The following TTC28 variants were observed in gnomAD, a reference collection of about 807,000 sequenced individuals.
The protein encoded by TTC28 is tetratricopeptide repeat domain 28, also known as tetratricopeptide repeat protein 28.
TTC28 carries 61 observed loss-of-function variants against 198.0 expected under a neutral mutation model. The observed-to-expected ratio is 0.31, with a 90% CI of 0.25 to 0.38. The LOEUF is 0.38. Ranked by LOEUF, TTC28 falls within the 10% of genes least tolerant of loss-of-function variation. The probability of loss-of-function intolerance (pLI) is 1.00; values close to 1 mark genes in which losing one functional copy is unlikely to be tolerated. For synonymous variants in TTC28, 1,171 were observed against 1,297.8 expected (o/e 0.90, Z 2.10); for missense variants, 2,678 against 3,164.0 (o/e 0.85, Z 3.69).
chr22:27,981,405 A>C lies in TTC28; in HGVS notation c.*816T>G, dbSNP rs1166500402. Reference sequence around the variant, plus strand: ...TAGCTATAAATGCAAAGTACTATTGATAATAAAACCAAGTTGTTTATCCAT... The same window carrying C: ...TAGCTATAAATGCAAAGTACTATTGCTAATAAAACCAAGTTGTTTATCCAT... On this transcript the variant is annotated 3_prime_UTR_variant, in exon 23 of 23. Coordinates refer to ENST00000397906, the MANE Select transcript of TTC28 (RefSeq NM_001145418.2). The C allele has an allele frequency of 6.6e-6, 1 of 151,072 alleles. No homozygotes were observed. The highest frequency in any genetic ancestry group is 2.0e-4 in the East Asian group (1 of 5,050). 9.4% of individuals were successfully genotyped at this position (151,072 alleles called of 1,614,324 possible). A position where few individuals can be genotyped will look rare whatever the true frequency, so the allele number is the denominator to read the frequency against.
rs539985150 is a variant in TTC28 at position 28,518,424 on chromosome 22, T to C, written c.381+111128A>G. On this transcript the variant is annotated intron_variant, in intron 2 of 22. Transcript: ENST00000397906. Reference sequence around the variant, plus strand: ...TGAGGACAGAAGTTCAAGAACAGCCTGGGCAACATGGCAGGGCCTCATCTC... The same window carrying C: ...TGAGGACAGAAGTTCAAGAACAGCCCGGGCAACATGGCAGGGCCTCATCTC... Among the ~76,000 whole-genome samples the C allele has an allele frequency of 1.6e-4, 25 of 152,248 alleles. No homozygotes were observed. The South Asian group carries it at 4.8e-3, about 29-fold the overall frequency.
chr22:28,217,239 T>A (rs1317241975), intron 5 of TTC28, among the ~76,000 whole-genome samples: 2 of 152,078 alleles, frequency 1.3e-5, no homozygotes, highest in African/African-American at 4.8e-5. Context: ...TCATGTACCC[T>A]ATCAATATAT....
In TTC28 at chr22:28,358,939, T is replaced by C. The variant is rs1031514106; in HGVS notation, c.382-52296A>G. On this transcript the variant is annotated intron_variant, in intron 2 of 22. Transcript: ENST00000397906. ...CTATATAACCTTCACATCGCCTGTC[T>C]TCAGCTAAGTAATATGGGGATGGGT... is the stretch of plus-strand genomic sequence containing the variant. Among the ~76,000 whole-genome samples, 3 of 152,174 alleles carry C rather than the reference T, an allele frequency of 2.0e-5. No homozygotes were observed. The South Asian group carries it at 6.2e-4, about 31-fold the overall frequency.
At chr22:27,999,342 C>T (rs562729192) in intron 15 of TTC28, 82 bp from the exon 16 acceptor site, 141 of 1,463,058 alleles carry the variant, frequency 9.6e-5, no homozygotes, top group Admixed American at 3.0e-4. Flanking sequence ...AGCACAGGGA[C>T]GGCCAGCTCT....
rs372330158 is a variant in TTC28, at chr22:28,268,303, G to A, written c.933+27895C>T. ...GCAGAGAAATGTGATCCAAAGTACCGCCTGCAGTGGGCACAGGAAAGGAGT... is the reference window on the plus strand; with the variant it reads ...GCAGAGAAATGTGATCCAAAGTACCACCTGCAGTGGGCACAGGAAAGGAGT... On this transcript the variant is annotated intron_variant, in intron 5 of 22. Transcript: ENST00000397906. Among the ~76,000 whole-genome samples the A allele has an allele frequency of 1.1e-4, 16 of 152,282 alleles. No individual in the cohort carries two copies. In the East Asian group the frequency reaches 2.7e-3, roughly 26 times the overall value.
intron 13 of TTC28, among the ~76,000 whole-genome samples, chr22:28,024,366 G>A (rs1938735573): frequency 6.6e-6 from 1 of 152,226 alleles, no homozygotes; most frequent in Non-Finnish European, 1.5e-5. Flanking sequence ...ACCCTGAGAT[G>A]TGAATGGGCA....
intron 2 of TTC28, among the ~76,000 whole-genome samples, chr22:28,474,718 A>G (rs2048138874): frequency 6.6e-6 from 1 of 152,226 alleles, no homozygotes; most frequent in African/African-American, 2.4e-5. Flanking sequence ...TAGCGCAGCC[A>G]GATCACCATG....
intron 3 of TTC28, among the ~76,000 whole-genome samples, chr22:28,300,545 G>T (rs780611295): frequency 6.6e-6 from 1 of 152,126 alleles, no homozygotes; most frequent in South Asian, 2.1e-4. Context: ...TCCCTTCTCG[G>T]TATATAGGAA....
chr22:28,663,446 T>G (rs1390887328), intron 1 of TTC28, among the ~76,000 whole-genome samples: 1 of 144,110 alleles, frequency 6.9e-6, no homozygotes, highest in Non-Finnish European at 1.5e-5. Context: ...GTGCGCACCG[T>G]GCGCGAGCCG....
chr22:28,407,194 C>G (rs2047009897), intron 2 of TTC28, among the ~76,000 whole-genome samples: 1 of 152,188 alleles, frequency 6.6e-6, no homozygotes, highest in African/African-American at 2.4e-5. Context: ...TTATTTTAAC[C>G]TAATTAGGGA....
intron 2 of TTC28, among the ~76,000 whole-genome samples, chr22:28,405,272 T>A (rs936508324): frequency 1.3e-5 from 2 of 152,204 alleles, no homozygotes; most frequent in African/African-American, 4.8e-5. Context: ...ATGATTATGA[T>A]TGCATTAAAA....
At chr22:28,338,839 C>T (rs1022061140) in intron 2 of TTC28, among the ~76,000 whole-genome samples, 1 of 152,156 alleles carries the variant, frequency 6.6e-6, no homozygotes, top group Non-Finnish European at 1.5e-5. Flanking sequence ...TCTCTCAACT[C>T]GTCATTGATC....
At chr22:28,550,685 A>G (rs1380054087) in intron 2 of TTC28, among the ~76,000 whole-genome samples, 2 of 152,182 alleles carry the variant, frequency 1.3e-5, no homozygotes, top group Admixed American at 1.3e-4. Flanking sequence ...GTATAATGAC[A>G]TAAATGCGAA....
intron 5 of TTC28, among the ~76,000 whole-genome samples, chr22:28,293,513 T>C (rs1207918602): frequency 6.6e-6 from 1 of 152,000 alleles, no homozygotes; most frequent in Admixed American, 6.6e-5. Flanking sequence ...GGTATACGGT[T>C]TCAGTTATGT....
At chr22:28,652,993 T>C (rs1353087027) in intron 1 of TTC28, among the ~76,000 whole-genome samples, 2 of 152,234 alleles carry the variant, frequency 1.3e-5, no homozygotes, top group Non-Finnish European at 2.9e-5. Context: ...TCTGCCTCCC[T>C]AAAACTCCCA....
intron 2 of TTC28, among the ~76,000 whole-genome samples, chr22:28,422,299 T>C (rs2047268211): frequency 6.6e-6 from 1 of 152,220 alleles, no homozygotes; most frequent in Non-Finnish European, 1.5e-5. Flanking sequence ...AATGGGCATA[T>C]GTATGAATGG....
At chr22:28,509,757 T>C (rs939593556) in intron 2 of TTC28, among the ~76,000 whole-genome samples, 1 of 151,752 alleles carries the variant, frequency 6.6e-6, no homozygotes, top group Non-Finnish European at 1.5e-5. Context: ...GCTGTTTTTT[T>C]TTAAATAATA....
intron 2 of TTC28, among the ~76,000 whole-genome samples, chr22:28,463,866 A>G (rs956693027): frequency 1.3e-5 from 2 of 152,188 alleles, no homozygotes; most frequent in African/African-American, 2.4e-5. Context: ...CATATGTAAC[A>G]AACCTGCACG....
chr22:28,233,115 A>T (rs899231110), intron 5 of TTC28, among the ~76,000 whole-genome samples: 36 of 152,104 alleles, frequency 2.4e-4, no homozygotes, highest in African/African-American at 8.7e-4. Context: ...AAAAAAAAAA[A>T]TCCATTTTAA....
Sources: allele counts gnomAD v4.1 joint callset (sites outside exome capture counted in the v4.1 genomes callset), GRCh38; gene constraint gnomAD v4.1.1; transcripts MANE v1.5; gene names NCBI Gene and HGNC (gene_info 2026-07-23, HGNC 2026-07-21).